Variants in MADD observed in about 807,000 individuals in gnomAD.
The protein encoded by MADD is MAP kinase-activating death domain protein.
MADD carries 109 observed loss-of-function variants against 176.7 expected under a neutral mutation model. The observed-to-expected ratio is 0.62, with a 90% CI of 0.53 to 0.72. The LOEUF (loss-of-function observed/expected upper bound fraction) is 0.72. Among genes scored for constraint, MADD ranks in the 30% least tolerant of loss-of-function variants. MADD has a pLI of 0.00. For missense variants in MADD, 1,914 were observed against 2,045.5 expected, an observed-to-expected ratio of 0.94 and a Z score of 1.24; for synonymous variants, 771 against 771.3, an observed-to-expected ratio of 1.00 and a Z score of 0.01.
At chr11:47,318,985 T>C (rs1176931589) in intron 27 of MADD, among the ~76,000 whole-genome samples, 1 of 150,828 alleles carries the variant, frequency 6.6e-6, no homozygotes, top group Non-Finnish European at 1.5e-5. Context: ...TTTTTGTATT[T>C]GTAGTAGAGA....
intron 5 of MADD, 93 bp downstream of exon 5, chr11:47,276,956 T>G: frequency 7.0e-7 from 1 of 1,425,396 alleles, no homozygotes; most frequent in Non-Finnish European, 9.6e-7. Context: ...GTGCTGGTCC[T>G]CAATCCTTTG....
intron 28 of MADD, 99 bp downstream of exon 31, chr11:47,323,934 G>A: frequency 1.5e-6 from 2 of 1,332,930 alleles, no homozygotes; most frequent in Non-Finnish European, 2.1e-6. Context: ...CACATCTGGA[G>A]CCACACTTCT....
At chr11:47,302,342 T>C (rs1409951555) in intron 22 of MADD, among the ~76,000 whole-genome samples, 6 of 152,140 alleles carry the variant, frequency 3.9e-5, no homozygotes, top group Admixed American at 3.9e-4. Flanking sequence ...GCCTCCCAAG[T>C]AGCTGGGACT....
At chr11:47,310,219 T>TC (rs2140911618) in intron 25 of MADD, among the ~76,000 whole-genome samples, 1 of 151,672 alleles carries the variant, frequency 6.6e-6, no homozygotes, top group African/African-American at 2.4e-5. Context: ...TCACACTCTG[T>TC]CACCCAGGCT....
At chr11:47,288,334 C>T (rs117252427) in intron 15 of MADD, among the ~76,000 whole-genome samples, 136 of 152,268 alleles carry the variant, frequency 8.9e-4, no homozygotes, top group Middle Eastern at 6.8e-3. Flanking sequence ...GAGTCTAAGA[C>T]ATGTTCTTAG....
rs202039469 is a variant in MADD at position 47,326,716 on chromosome 11, G to A, written c.4543-22G>A. The A allele has an allele frequency of 2.1e-3, 3,317 of 1,612,550 alleles. 8 individuals carry two copies. Among genetic ancestry groups the A allele is most frequent in the South Asian group, 3.7e-3 (335 of 91,002 alleles). ...GGGTGGAGCCTGTGGGCCTTACCCC[G>A]GCCTCCCTCCCTCTCTTGCAGGTTT... On this transcript the variant is annotated intron_variant, in intron 30 of 32. Transcript: ENST00000402192.
chr11:47,290,067 G>T lies in MADD; in HGVS notation c.2943+14G>T, dbSNP rs1171369338. ...ATCCCGGATGTGGTCAGTGTTGGGGGTAGGGAATCGGAGTAACTGGAGAGA... is the reference window on the plus strand; with the variant it reads ...ATCCCGGATGTGGTCAGTGTTGGGGTTAGGGAATCGGAGTAACTGGAGAGA... On this transcript the variant is annotated intron_variant, in intron 17 of 32. Transcript: ENST00000402192. The T allele has an allele frequency of 3.1e-6, 5 of 1,613,260 alleles. No homozygotes were observed. In the African/African-American group the frequency reaches 6.7e-5, roughly 21 times the overall value.
At chr11:47,283,697 G>T (rs1025753289) in intron 10 of MADD, among the ~76,000 whole-genome samples, 11 of 152,162 alleles carry the variant, frequency 7.2e-5, no homozygotes, top group Non-Finnish European at 1.5e-4. Context: ...CCAGCCACCC[G>T]AGTAGCTGGG....
chr11:47,280,223 C>T, intron 7 of MADD, among the ~76,000 whole-genome samples: 1 of 152,178 alleles, frequency 6.6e-6, no homozygotes, highest in Non-Finnish European at 1.5e-5. Context: ...TGTACAGGAA[C>T]ACCAGTAGAT....
chr11:47,318,888 A>G (rs1247756653), intron 27 of MADD, among the ~76,000 whole-genome samples: 1 of 136,852 alleles, frequency 7.3e-6, no homozygotes, highest in Non-Finnish European at 1.5e-5. Context: ...GTTCACTGCA[A>G]CCTCCACTTC....
chr11:47,289,527 A>T (rs370853194), intron 16 of MADD, 34 bp downstream of exon 17: 5 of 1,574,426 alleles, frequency 3.2e-6, no homozygotes, highest in Non-Finnish European at 4.4e-6. Context: ...AAAAGTTCTC[A>T]GGCAGAGGTG....
intron 21 of MADD, 124 bp downstream of exon 23, chr11:47,295,703 T>C: frequency 1.3e-6 from 2 of 1,555,730 alleles, no homozygotes. Context: ...ATGGTGGAGA[T>C]GTTTACCATC....
chr11:47,302,894 T>C (rs1028461644), intron 22 of MADD, among the ~76,000 whole-genome samples: 1 of 152,226 alleles, frequency 6.6e-6, no homozygotes, highest in Non-Finnish European at 1.5e-5. Flanking sequence ...GATTCTTTTC[T>C]TTTTCTCCTT....
chr11:47,309,049 A>G lies in MADD; in HGVS notation c.3752-232A>G, dbSNP rs2085628849. The G allele has an allele frequency of 6.8e-6, 11 of 1,613,860 alleles. No individual in the cohort carries two copies. Among genetic ancestry groups the G allele is most frequent in the African/African-American group, 1.3e-5 (1 of 74,914 alleles). On this transcript the variant is annotated intron_variant, in intron 23 of 32. Transcript: ENST00000402192. Reference sequence around the variant, plus strand: ...ATGGAGACCTTTTCTATAAGTAACCACATTTATTTGTGTGCTGTGTTCATC... The same window carrying G: ...ATGGAGACCTTTTCTATAAGTAACCGCATTTATTTGTGTGCTGTGTTCATC...
exon 3 of MADD, chr11:47,274,899 T>C (rs145668809): frequency 1.4e-5 from 22 of 1,613,852 alleles, no homozygotes; most frequent in Non-Finnish European, 1.8e-5. Context: ...AGGGTGGCAC[T>C]GAGAGCTCAG....
At chr11:47,324,170 A>G in intron 28 of MADD, 95 bp from the exon 32 acceptor site, 1 of 1,124,450 alleles carries the variant, frequency 8.9e-7, no homozygotes, top group Non-Finnish European at 1.3e-6. Flanking sequence ...TTTACCCCTC[A>G]CTTCAACCTC....
intron 16 of MADD, 47 bp downstream of exon 17, chr11:47,289,540 G>A (rs1470016459): frequency 6.6e-7 from 1 of 1,519,712 alleles, no homozygotes; most frequent in East Asian, 2.2e-5. Context: ...CAGAGGTGGG[G>A]TGGTTCCTCT....
chr11:47,312,752 A>T (rs536452451), intron 26 of MADD, among the ~76,000 whole-genome samples: 3 of 152,288 alleles, frequency 2.0e-5, no homozygotes, highest in East Asian at 3.9e-4. Flanking sequence ...TTAGTTTTTT[A>T]AAAATGCCAG....
intron 26 of MADD, among the ~76,000 whole-genome samples, chr11:47,314,051 C>T (rs1174601318): frequency 6.6e-6 from 1 of 151,792 alleles, no homozygotes; most frequent in Non-Finnish European, 1.5e-5. Flanking sequence ...AGCCACCGCG[C>T]CCAGCCAAGG....
Sources: allele counts gnomAD v4.1 joint callset (sites outside exome capture counted in the v4.1 genomes callset), GRCh38; gene constraint gnomAD v4.1.1; transcripts MANE v1.5; gene names NCBI Gene and HGNC (gene_info 2026-07-23, HGNC 2026-07-21).